RTN4: variants seen among roughly 807,000 people sequenced by gnomAD.
The protein encoded by RTN4 is reticulon 4, also known as reticulon-4.
In RTN4, 32 loss-of-function variants were observed where a neutral mutation model predicts 90.4. That is an observed-to-expected ratio of 0.35 (90% confidence interval 0.27 to 0.48). RTN4 has a LOEUF of 0.48. Ranked by LOEUF, RTN4 falls within the 20% of genes least tolerant of loss-of-function variation. The pLI is 0.99. For synonymous variants in RTN4, 629 were observed against 552.5 expected (o/e 1.14, Z -1.94); for missense variants, 1,706 against 1,430.2 (o/e 1.19, Z -3.11).
intron 1 of RTN4, among the ~76,000 whole-genome samples, chr2:55,035,316 T>C (rs991839200): frequency 6.6e-6 from 1 of 152,206 alleles, no homozygotes; most frequent in Admixed American, 6.5e-5. Context: ...TCATGCAGTC[T>C]ATGTTCTACA....
At chr2:55,013,795 A>C (rs868140680) in intron 3 of RTN4, among the ~76,000 whole-genome samples, 27 of 152,146 alleles carry the variant, frequency 1.8e-4, no homozygotes, top group African/African-American at 6.0e-4. Flanking sequence ...ACCCAGGAAA[A>C]ACTCAGGTTT....
chr2:55,055,593 C>G (rs1399991062), upstream of RTN4, among the ~76,000 whole-genome samples: 2 of 152,088 alleles, frequency 1.3e-5, no homozygotes, highest in African/African-American at 4.8e-5. Flanking sequence ...TGGTGAAACC[C>G]CGTCTCTACT....
At chr2:55,128,110 T>C in the RTN4 span, among the ~76,000 whole-genome samples, 2 of 152,162 alleles carry the variant, frequency 1.3e-5, no homozygotes, top group South Asian at 4.2e-4. Flanking sequence ...CCTCCCAAAG[T>C]GCTGGGATTA....
Position 54,987,540 on chromosome 2 carries a change from T to G in RTN4, c.3172A>C (p.Lys1058Gln). The G allele has an allele frequency of 6.2e-7, 1 of 1,614,024 alleles. No individual in the cohort carries two copies. Among genetic ancestry groups the G allele is most frequent in the Non-Finnish European group, 8.5e-7 (1 of 1,180,028 alleles). ...LSVTISFRIY[K>Q]GVIQAIQKSD... ...TTCTGGATAGCTTGGATCACACCCT[T>G]GTATATCCTAAAGCTGATGGTCACA... Residue 1058 changes from lysine to glutamine, a missense_variant, in exon 4 of 9, where the codon AAG becomes CAG. Transcript: ENST00000337526.
At chr2:54,990,828 C>T (rs543844833) in intron 3 of RTN4, among the ~76,000 whole-genome samples, 331 of 152,162 alleles carry the variant, frequency 2.2e-3, no homozygotes, top group Middle Eastern at 3.4e-3. Flanking sequence ...CACTGTCGCC[C>T]GGGCTGGAGT....
intron 3 of RTN4, among the ~76,000 whole-genome samples, chr2:54,997,035 G>T (rs1009873397): frequency 6.6e-6 from 1 of 152,100 alleles, no homozygotes; most frequent in Non-Finnish European, 1.5e-5. Context: ...AGATAAATTG[G>T]ACTTCATTAA....
In RTN4 at chr2:54,972,904, GAT is replaced by G. The variant is rs1677215593; in HGVS notation, c.*250_*251del. ...GGTTTTTTATTCCACCAGTGCCTCA[GAT>G]AGATAGGAAAAAGATATGATTACGG... On this transcript the variant is annotated 3_prime_UTR_variant, in exon 9 of 9. Transcript: ENST00000337526. The G allele has an allele frequency of 1.0e-5, 1 of 97,342 alleles. No homozygotes were observed. The highest frequency in any genetic ancestry group is 2.4e-4 in the East Asian group (1 of 4,090). The allele number at this position is 97,342 out of a possible 1,614,324, so 6.0% of individuals were successfully genotyped here. A position where few individuals can be genotyped will look rare whatever the true frequency, so the allele number is the denominator to read the frequency against.
At chr2:54,986,318 T>G (rs1678558335) in intron 4 of RTN4, among the ~76,000 whole-genome samples, 1 of 152,112 alleles carries the variant, frequency 6.6e-6, no homozygotes, top group South Asian at 2.1e-4. Context: ...GGAGTCCAAT[T>G]AGGGGTCAGC....
chr2:55,069,123 CAGG>C, intron 2 of RTN4, among the ~76,000 whole-genome samples: 1 of 152,188 alleles, frequency 6.6e-6, no homozygotes, highest in Non-Finnish European at 1.5e-5. Flanking sequence ...GAAGAAATCT[CAGG>C]AGGAGCACCC....
At chr2:55,080,878 A>G (rs1395004233) in intron 1 of RTN4, among the ~76,000 whole-genome samples, 1 of 152,224 alleles carries the variant, frequency 6.6e-6, no homozygotes, top group African/African-American at 2.4e-5. Flanking sequence ...TGAAAGAACT[A>G]ATTTTACACT....
At chr2:55,114,153 C>T (rs1046258147), upstream of RTN4, among the ~76,000 whole-genome samples, 4 of 152,186 alleles carry the variant, frequency 2.6e-5, no homozygotes, top group Admixed American at 2.6e-4. Flanking sequence ...AATCGTCTGT[C>T]TTTACATTAG....
the RTN4 span, among the ~76,000 whole-genome samples, chr2:55,128,635 A>G: frequency 6.6e-6 from 1 of 152,346 alleles, no homozygotes; most frequent in South Asian, 2.1e-4. Flanking sequence ...GGAAGATAAA[A>G]GGATTAAAAA....
chr2:55,086,711 A>C (rs555625127), intron 1 of RTN4, among the ~76,000 whole-genome samples: 1 of 152,066 alleles, frequency 6.6e-6, no homozygotes, highest in East Asian at 1.9e-4. Context: ...TAATAACATC[A>C]GTATCTCAGA....
chr2:55,094,113 T>A (rs1668990218), intron 1 of RTN4, among the ~76,000 whole-genome samples: 1 of 152,144 alleles, frequency 6.6e-6, no homozygotes, highest in African/African-American at 2.4e-5. Context: ...TGTGATGGTA[T>A]TAGGATGTGG....
chr2:55,080,973 T>C (rs1573504252), intron 1 of RTN4, among the ~76,000 whole-genome samples: 1 of 152,372 alleles, frequency 6.6e-6, no homozygotes, highest in Non-Finnish European at 1.5e-5. Context: ...AATGACATTA[T>C]ACTTTTTAAA....
At chr2:55,046,848 C>A (rs199615402) in intron 1 of RTN4, 1 of 152,176 alleles carries the variant, frequency 6.6e-6, no homozygotes, top group African/African-American at 2.4e-5. Flanking sequence ...TAGGTATCAT[C>A]AATATGGAAT....
At chr2:55,131,231 T>C in the RTN4 span, among the ~76,000 whole-genome samples, 1 of 150,732 alleles carries the variant, frequency 6.6e-6, no homozygotes. Flanking sequence ...TTTTTTGACA[T>C]AAGGTCTCAC....
intron 1 of RTN4, among the ~76,000 whole-genome samples, chr2:55,105,077 G>C (rs1051732860): frequency 6.6e-6 from 1 of 152,134 alleles, no homozygotes; most frequent in South Asian, 2.1e-4. Flanking sequence ...AAAACGCTGG[G>C]ATTATAGGCG....
At chr2:54,993,958 GA>G (rs1304898245) in intron 3 of RTN4, among the ~76,000 whole-genome samples, 1 of 152,066 alleles carries the variant, frequency 6.6e-6, no homozygotes, top group East Asian at 1.9e-4. Flanking sequence ...CTGCAAGAAT[GA>G]AAAAAATATT....
Sources: gnomAD v4.1 joint callset for allele counts (sites outside exome capture counted in the v4.1 genomes callset) on GRCh38, gnomAD v4.1.1 for gene constraint, MANE v1.5 for transcripts, NCBI Gene and HGNC (gene_info 2026-07-23, HGNC 2026-07-21) for gene names.